RIPOR2: variants seen among roughly 807,000 people sequenced by gnomAD.
The protein encoded by RIPOR2 is rho family-interacting cell polarization regulator 2.
RIPOR2 carries 39 observed loss-of-function variants against 114.5 expected under a neutral mutation model. That is an observed-to-expected ratio of 0.34 (90% CI 0.26 to 0.44). The LOEUF (loss-of-function observed/expected upper bound fraction) is 0.44. Among genes scored for constraint, RIPOR2 ranks in the 20% least tolerant of loss-of-function variants. The pLI, the probability that RIPOR2 is intolerant of heterozygous loss-of-function variation, is 1.00. For synonymous variants in RIPOR2, 445 were observed against 484.4 expected (o/e 0.92, Z 1.07); for missense variants, 1,007 against 1,255.1 (o/e 0.80, Z 2.99).
intron 1 of RIPOR2, among the ~76,000 whole-genome samples, chr6:24,946,909 T>A (rs1254080014): frequency 6.6e-6 from 1 of 152,234 alleles, no homozygotes; most frequent in Admixed American, 6.5e-5. Context: ...TTTTGAAAAT[T>A]CTTCCTGGCG....
At chr6:24,877,007 G>C in intron 1 of RIPOR2, 2 of 985,286 alleles carry the variant, frequency 2.0e-6, no homozygotes, top group Non-Finnish European at 2.4e-6. Flanking sequence ...CAGGAAAAAG[G>C]GTAAATAGTT....
chr6:24,878,713 T>G (rs2113916300), intron 1 of RIPOR2, among the ~76,000 whole-genome samples: 1 of 152,280 alleles, frequency 6.6e-6, no homozygotes, highest in Non-Finnish European at 1.5e-5. Flanking sequence ...GATTCTGATG[T>G]TCACCAATGT....
rs1284694749 is a variant in RIPOR2, at chr6:24,858,801, A to C, written c.715+2172T>G. Among the ~76,000 whole-genome samples, 2 of 152,144 alleles carry C rather than the reference A, an allele frequency of 1.3e-5. No individual in the cohort carries two copies. Among genetic ancestry groups the C allele is most frequent in the African/African-American group, 4.8e-5 (2 of 41,430 alleles). On this transcript the variant is annotated intron_variant, in intron 8 of 21. Coordinates refer to ENST00000643898, the MANE Select transcript of RIPOR2 (RefSeq NM_001286445.3). This position sits in a 1 kb window ranked among gnomAD's most constrained non-coding sequence, Gnocchi z 4.0. The stretch of plus-strand genomic sequence containing the variant: ...GGAGCAACAGCAAGTTCATCAGTCC[A>C]TCAGGGCTGCGATGTAGCGGGGTGG...
intron 1 of RIPOR2, chr6:25,023,981 T>C: frequency 1.4e-6 from 1 of 737,486 alleles, no homozygotes; most frequent in Non-Finnish European, 2.5e-6. Context: ...GTGACCGGGA[T>C]AGGAATCCCG....
chr6:24,973,727 AT>A (rs1025746369), intron 1 of RIPOR2, among the ~76,000 whole-genome samples: 2 of 152,204 alleles, frequency 1.3e-5, no homozygotes, highest in Admixed American at 6.5e-5. Flanking sequence ...AATAAAGAAA[AT>A]ATGGTATATA....
intron 1 of RIPOR2, among the ~76,000 whole-genome samples, chr6:25,005,154 G>C (rs1775495784): frequency 6.6e-6 from 1 of 152,082 alleles, no homozygotes; most frequent in Non-Finnish European, 1.5e-5. Context: ...TTCCCTATCT[G>C]GCAGAGCTAA....
chr6:25,039,935 T>G (rs888494506), intron 1 of RIPOR2, among the ~76,000 whole-genome samples: 14 of 152,352 alleles, frequency 9.2e-5, no homozygotes, highest in African/African-American at 3.4e-4. Flanking sequence ...AATTGTCATT[T>G]GGAATCCAAC....
At chr6:24,896,128 A>G (rs1321689341) in intron 1 of RIPOR2, among the ~76,000 whole-genome samples, 1 of 152,252 alleles carries the variant, frequency 6.6e-6, no homozygotes, top group Non-Finnish European at 1.5e-5. Flanking sequence ...TAGTTTCACT[A>G]ACAAAACAAA....
intron 1 of RIPOR2, among the ~76,000 whole-genome samples, chr6:25,001,270 A>G (rs1398970589): frequency 6.6e-6 from 1 of 152,208 alleles, no homozygotes; most frequent in Admixed American, 6.5e-5. Flanking sequence ...GACAATATAC[A>G]TATTTTCAGT....
At chr6:25,000,726 C>T (rs1319248305) in intron 1 of RIPOR2, among the ~76,000 whole-genome samples, 2 of 151,988 alleles carry the variant, frequency 1.3e-5, no homozygotes, top group African/African-American at 2.4e-5. Context: ...AGAAGGTTCT[C>T]ACCAAGGAAT....
At chr6:24,861,340 TA>T (rs1001828530) in intron 7 of RIPOR2, among the ~76,000 whole-genome samples, 5 of 152,308 alleles carry the variant, frequency 3.3e-5, no homozygotes, top group African/African-American at 1.2e-4. Context: ...GGCAGTATCA[TA>T]GGGGAAAAAA....
At chr6:24,828,410 C>T (rs2113674187) in intron 17 of RIPOR2, 115 bp from the exon 18 acceptor site, 2 of 991,202 alleles carry the variant, frequency 2.0e-6, no homozygotes, top group Non-Finnish European at 2.7e-6. Context: ...CACTTTGTTG[C>T]CCAGGTTGGT....
chr6:24,867,048 CACTT>C (rs754609183), intron 6 of RIPOR2, among the ~76,000 whole-genome samples: 5 of 152,276 alleles, frequency 3.3e-5, no homozygotes, highest in Admixed American at 6.5e-5. Flanking sequence ...ATATCAATGA[CACTT>C]AGTTTAGAAT....
chr6:24,898,747 C>T (rs777999793), intron 1 of RIPOR2, among the ~76,000 whole-genome samples: 1 of 152,170 alleles, frequency 6.6e-6, no homozygotes, highest in African/African-American at 2.4e-5. Context: ...ATTTTGTATG[C>T]CCATCTTTCT....
chr6:24,998,437 C>T (rs77386029), intron 1 of RIPOR2, among the ~76,000 whole-genome samples: 2,539 of 152,168 alleles, frequency 0.017, 38 homozygotes, highest in Non-Finnish European at 0.031. Flanking sequence ...AATAGCAATC[C>T]CCCAAGGGAT....
intron 1 of RIPOR2, among the ~76,000 whole-genome samples, chr6:25,029,115 C>T (rs1270779449): frequency 1.3e-5 from 2 of 152,002 alleles, no homozygotes; most frequent in Non-Finnish European, 2.9e-5. Flanking sequence ...GGTGAAACCC[C>T]GTCTCTACTA....
intron 7 of RIPOR2, among the ~76,000 whole-genome samples, chr6:24,862,390 C>T (rs2113836177): frequency 6.6e-6 from 1 of 152,316 alleles, no homozygotes; most frequent in African/African-American, 2.4e-5. Flanking sequence ...TTAGTGCAGG[C>T]TGGTATTGCT....
intron 1 of RIPOR2, among the ~76,000 whole-genome samples, chr6:24,984,017 G>C (rs1774423066): frequency 6.6e-6 from 1 of 152,168 alleles, no homozygotes; most frequent in Non-Finnish European, 1.5e-5. Context: ...GGTCCTCAAG[G>C]ACCATAAGGA....
At chr6:24,960,752 A>G (rs955111747) in intron 1 of RIPOR2, among the ~76,000 whole-genome samples, 1 of 151,632 alleles carries the variant, frequency 6.6e-6, no homozygotes, top group African/African-American at 2.4e-5. Context: ...CTCATCTCAA[A>G]CTCCCAGGCT....
Sources: gnomAD v4.1 joint callset for allele counts (sites outside exome capture counted in the v4.1 genomes callset) on GRCh38, gnomAD v4.1.1 for gene constraint, Gnocchi (gnomAD v3.1) non-coding constraint, MANE v1.5 for transcripts, NCBI Gene and HGNC (gene_info 2026-07-23, HGNC 2026-07-21) for gene names.